DUXB: variants seen among roughly 807,000 people sequenced by gnomAD.
DUXB encodes the protein double homeobox B.
In DUXB, 22 loss-of-function variants were observed where a neutral mutation model predicts 8.9. That is an observed-to-expected ratio of 2.46 (90% confidence interval 1.76 to 3.52). The LOEUF (loss-of-function observed/expected upper bound fraction) is 3.52. Among genes scored for constraint, DUXB ranks in the 30% most tolerant of loss-of-function variants. The pLI is 0.00. For synonymous variants in DUXB, 84 were observed against 37.6 expected, an observed-to-expected ratio of 2.23 and a Z score of -4.52; for missense variants, 237 against 108.7, an observed-to-expected ratio of 2.18 and a Z score of -5.25.
At position 75,694,450 on chromosome 16, in the gene DUXB, G is replaced by C; in HGVS notation, c.517C>G (p.Pro173Ala). The C allele has an allele frequency of 1.4e-6, 1 of 702,878 alleles. No homozygotes were observed. Among genetic ancestry groups the C allele is most frequent in the South Asian group, 1.5e-5 (1 of 67,550 alleles). The allele number at this position is 702,878 out of a possible 1,614,324, so 43.5% of individuals were successfully genotyped here. A position where few individuals can be genotyped will look rare whatever the true frequency, so the allele number is the denominator to read the frequency against. ...ACAGTTGCATCTGGTCTCTCATTTG[G>C]GTCGTCTACCAATAAATTCATGGGC... ...MEPMNLLVDDPNERPDATVGW... is the reference protein window; with the variant it reads ...MEPMNLLVDDANERPDATVGW... The change falls in exon 5 of 5, where the codon CCA becomes GCA. Residue 173 changes from proline (P) to alanine (A), a missense_variant. Pro to Ala is a conservative substitution (Grantham distance 27). Coordinates refer to ENST00000633875, the MANE Select transcript of DUXB (RefSeq NM_001351307.2).
chr16:75,694,985 G>A (rs1235057309), intron 4 of DUXB, among the ~76,000 whole-genome samples: 1 of 152,122 alleles, frequency 6.6e-6, no homozygotes, highest in Non-Finnish European at 1.5e-5. Flanking sequence ...ATGAAATCAT[G>A]TATGTACATA....
chr16:75,701,407 C>T lies in DUXB; in HGVS notation c.12G>A (p.Glu4=). 2.5e-6 allele frequency: 1 copy of T among 398,596 alleles called. No individual in the cohort carries two copies. The highest frequency in any genetic ancestry group is 4.4e-6 in the Non-Finnish European group (1 of 226,078). 24.7% of individuals were successfully genotyped at this position (398,596 alleles called of 1,614,324 possible). Residue 4 remains glutamate, a synonymous_variant, in exon 1 of 5, where the codon GAG becomes GAA. Transcript: ENST00000633875. ...ATGGGAACTTACCACCTGAAGTGCC[C>T]TCCAAATTCATCTTGGGCAGAAGAC... is the stretch of plus-strand genomic sequence containing the variant. MNL[E]GTSGGILQKE...
intron 4 of DUXB, 51 bp downstream of exon 4, chr16:75,695,910 G>A (rs1430302145): frequency 4.3e-6 from 3 of 698,056 alleles, no homozygotes; most frequent in South Asian, 1.5e-5. Flanking sequence ...ACACCTCCAG[G>A]GGGCAGTATC....
chr16:75,695,361 T>G (rs1433656600), intron 4 of DUXB, among the ~76,000 whole-genome samples: 1 of 152,244 alleles, frequency 6.6e-6, no homozygotes, highest in Non-Finnish European at 1.5e-5. Flanking sequence ...TGTGTATTCA[T>G]CTGATTAATG....
chr16:75,694,092 G>C lies in DUXB; in HGVS notation c.875C>G (p.Ser292Trp). 2.4e-6 allele frequency: 1 copy of C among 418,956 alleles called. No homozygotes were observed. Among genetic ancestry groups the C allele is most frequent in the South Asian group, 9.9e-5 (1 of 10,084 alleles). The allele number at this position is 418,956 out of a possible 1,614,324, so 26.0% of individuals were successfully genotyped here. A position where few individuals can be genotyped will look rare whatever the true frequency, so the allele number is the denominator to read the frequency against. The change falls in exon 5 of 5, where the codon TCG becomes TGG. Residue 292 changes from serine (S) to tryptophan (W), a missense_variant. By Grantham distance (177) the Ser-to-Trp change is radical. Transcript: ENST00000633875. ...EHQNHKEHSG[S>W]GVPQVKSHSQ... ...ATGGCTCTTGACCTGTGGTACTCCC[G>C]AGCCAGAGTGTTCTTTGTGATTTTG... is the stretch of plus-strand genomic sequence containing the variant.
intron 2 of DUXB, among the ~76,000 whole-genome samples, 167 bp from the exon 3 acceptor site, chr16:75,697,110 T>C (rs555805789): frequency 3.9e-4 from 59 of 152,334 alleles, no homozygotes; most frequent in African/African-American, 1.4e-3. Context: ...TGGCATATGA[T>C]TCAGGACCAC....
chr16:75,697,506 C>T (rs1415029827), intron 2 of DUXB, among the ~76,000 whole-genome samples: 1 of 152,200 alleles, frequency 6.6e-6, no homozygotes, highest in Non-Finnish European at 1.5e-5. Flanking sequence ...CATTTTGTCA[C>T]CGTTGTCCCT....
At position 75,694,263 on chromosome 16, in the gene DUXB, A is replaced by G; in HGVS notation, c.704T>C (p.Met235Thr). Residue 235 changes from methionine (M) to threonine (T), a missense_variant, in exon 5 of 5, where the codon ATG (methionine) becomes ACG (threonine). Physicochemically the swap from Met to Thr is moderately conservative, Grantham distance 81. Transcript: ENST00000633875. ...RFHVSQGPNV[M>T]IMQPTQAVQE... ...CACAGCCTGTGTGGGCTGCATGATC[A>G]TGACATTTGGTCCTTGGCTCACATG... is the stretch of plus-strand genomic sequence containing the variant. The G allele has an allele frequency of 1.7e-6, 1 of 591,966 alleles. No individual in the cohort carries two copies. The highest frequency in any genetic ancestry group is 3.0e-6 in the Non-Finnish European group (1 of 335,256). 36.7% of individuals were successfully genotyped at this position (591,966 alleles called of 1,614,324 possible).
rs1185766125 is a variant in DUXB, at chr16:75,694,664, A to G, written c.442-139T>C. On this transcript the variant is annotated intron_variant, in intron 4 of 4. Transcript: ENST00000633875. Reference sequence around the variant, plus strand: ...TTTATAGAGTTGGCTCTCTGAATCCATGGGTTCCATCTGTATACCCTGATT... The same window carrying G: ...TTTATAGAGTTGGCTCTCTGAATCCGTGGGTTCCATCTGTATACCCTGATT... 4.5e-5 allele frequency: 28 copies of G among 617,660 alleles called. 1 individual carries two copies. The highest frequency in any genetic ancestry group is 7.7e-4 in the Middle Eastern group (2 of 2,604). 38.3% of individuals were successfully genotyped at this position (617,660 alleles called of 1,614,324 possible). A position where few individuals can be genotyped will look rare whatever the true frequency, so the allele number is the denominator to read the frequency against.
Position 75,696,699 on chromosome 16 carries a change from T to A in DUXB, c.286+139A>T, listed in dbSNP as rs552081642. ...CTTCTATAACAAACTTACTTTCACC[T>A]AAAAAAAATGTAGGATAATGTTTCT... On this transcript the variant is annotated intron_variant, in intron 3 of 4. Transcript: ENST00000633875. The A allele has an allele frequency of 1.0e-5, 6 of 582,282 alleles. No individual in the cohort carries two copies. In the African/African-American group the frequency reaches 1.1e-4, roughly 11 times the overall value. The allele number at this position is 582,282 out of a possible 1,614,324, so 36.1% of individuals were successfully genotyped here. A position where few individuals can be genotyped will look rare whatever the true frequency, so the allele number is the denominator to read the frequency against.
At chr16:75,701,305 G>C (rs1319830640) in intron 1 of DUXB, 89 bp downstream of exon 1, 1 of 398,234 alleles carries the variant, frequency 2.5e-6, no homozygotes, top group Non-Finnish European at 4.4e-6. Context: ...CTCTAATCAT[G>C]TTTGTGCTAT....
intron 2 of DUXB, among the ~76,000 whole-genome samples, chr16:75,698,967 T>C (rs1357292467): frequency 6.6e-6 from 1 of 152,168 alleles, no homozygotes; most frequent in Non-Finnish European, 1.5e-5. Context: ...CCTAAGCCCC[T>C]GAGTAGCTGG....
intron 1 of DUXB, among the ~76,000 whole-genome samples, chr16:75,701,024 C>A (rs544491764): frequency 6.6e-6 from 1 of 152,126 alleles, no homozygotes; most frequent in East Asian, 1.9e-4. Flanking sequence ...ACTCATGGAA[C>A]AATTGAACAG....
chr16:75,695,897 A>G (rs1054517933), intron 4 of DUXB, 64 bp downstream of exon 4: 11 of 682,796 alleles, frequency 1.6e-5, no homozygotes, highest in East Asian at 2.7e-5. Flanking sequence ...AAGTTTTTCA[A>G]TAACACCTCC....
intron 2 of DUXB, 70 bp downstream of exon 2, chr16:75,699,945 A>G: frequency 1.7e-6 from 1 of 583,858 alleles, no homozygotes; most frequent in Non-Finnish European, 3.0e-6. Context: ...AGAATTGGCA[A>G]AAGCGCTGGG....
rs2151832512 is a variant in DUXB, at chr16:75,695,981, G to C, written c.421C>G (p.Leu141Val). Residue 141 changes from leucine to valine, a missense_variant, in exon 4 of 5, where the codon CTG (leucine) becomes GTG (valine). Coordinates refer to ENST00000633875, the MANE Select transcript of DUXB (RefSeq NM_001351307.2). Reference protein sequence around the residue: ...TRKKLAEQTGLQESRIQMWFQ... With the variant: ...TRKKLAEQTGVQESRIQMWFQ... Reference sequence around the variant, plus strand: ...CTTACTTGAATTCTTGATTCCTGCAGGCCTGTTTGTTCAGCCAGTTTTTTT... The same window carrying C: ...CTTACTTGAATTCTTGATTCCTGCACGCCTGTTTGTTCAGCCAGTTTTTTT... The C allele has an allele frequency of 1.4e-6, 1 of 702,998 alleles. No homozygotes were observed. The highest frequency in any genetic ancestry group is 2.6e-6 in the Non-Finnish European group (1 of 385,004). The allele number at this position is 702,998 out of a possible 1,614,324, so 43.5% of individuals were successfully genotyped here. A position where few individuals can be genotyped will look rare whatever the true frequency, so the allele number is the denominator to read the frequency against.
chr16:75,694,683 C>G (rs958138578), intron 4 of DUXB, among the ~76,000 whole-genome samples, 158 bp from the exon 5 acceptor site: 1 of 151,944 alleles, frequency 6.6e-6, no homozygotes, highest in Non-Finnish European at 1.5e-5. Flanking sequence ...ATCTGTATAC[C>G]CTGATTCAAA....
intron 4 of DUXB, 158 bp downstream of exon 4, chr16:75,695,803 T>G: frequency 1.7e-6 from 1 of 595,750 alleles, no homozygotes; most frequent in Non-Finnish European, 3.0e-6. Context: ...AAATTCTTCC[T>G]TGACAAAAAC....
intron 2 of DUXB, among the ~76,000 whole-genome samples, chr16:75,697,799 A>C (rs2082620606): frequency 6.6e-6 from 1 of 152,200 alleles, no homozygotes; most frequent in Non-Finnish European, 1.5e-5. Context: ...TACCTGCCTA[A>C]GCTTCGCCTC....
Sources: gnomAD v4.1 joint callset for allele counts (sites outside exome capture counted in the v4.1 genomes callset) on GRCh38, gnomAD v4.1.1 for gene constraint, MANE v1.5 for transcripts, NCBI Gene and HGNC (gene_info 2026-07-23, HGNC 2026-07-21) for gene names.